Variants in RHOT1 observed in about 807,000 individuals in gnomAD.
The protein encoded by RHOT1 is ras homolog family member T1.
In RHOT1, 27 loss-of-function variants were observed where a neutral mutation model predicts 95.3. The ratio of observed to expected loss-of-function variants is 0.28; its 90% CI spans 0.21 to 0.39. RHOT1 has a LOEUF of 0.39. Among genes scored for constraint, RHOT1 ranks in the 10% least tolerant of loss-of-function variants. RHOT1 has a pLI of 1.00. For synonymous variants in RHOT1, 227 were observed against 263.5 expected (o/e 0.86, Z 1.34); for missense variants, 578 against 786.7 (o/e 0.73, Z 3.17).
At chr17:32,150,761 G>A in intron 1 of RHOT1, 9 of 1,592,594 alleles carry the variant, frequency 5.7e-6, no homozygotes, top group Non-Finnish European at 7.7e-6. Context: ...TGAGTATCTT[G>A]CATTTGGAAG....
rs966769864 is a variant in RHOT1 at position 32,151,413 on chromosome 17, C to T, written c.37+8684C>T. ...GATGACAGAGTGAAACTGGGACTAG[C>T]TGGATCCTGTGGTGGTATCACCTTC... On this transcript the variant is annotated intron_variant, in intron 1 of 19. Transcript: ENST00000545287. 26 of 653,526 alleles carry T rather than the reference C, an allele frequency of 4.0e-5. No homozygotes were observed. In the Admixed American group the frequency reaches 5.4e-4, roughly 13 times the overall value. 40.5% of individuals were successfully genotyped at this position (653,526 alleles called of 1,614,324 possible).
intron 16 of RHOT1, among the ~76,000 whole-genome samples, chr17:32,205,002 A>G (rs1470359122): frequency 6.6e-6 from 1 of 151,652 alleles, no homozygotes; most frequent in African/African-American, 2.4e-5. Context: ...AAAAAGTCGA[A>G]AAAACTGAAC....
chr17:32,165,101 G>A (rs1031026817), intron 1 of RHOT1, among the ~76,000 whole-genome samples: 3 of 152,164 alleles, frequency 2.0e-5, no homozygotes, highest in Admixed American at 6.5e-5. Context: ...AGCACTTTGG[G>A]AGGCCAAGGC....
At chr17:32,150,538 G>A (rs1485004529) in intron 1 of RHOT1, 14 of 1,514,714 alleles carry the variant, frequency 9.2e-6, no homozygotes, top group African/African-American at 2.8e-5. Flanking sequence ...GGTTTGTGTG[G>A]GAGATAGGCC....
At chr17:32,162,677 T>A (rs1567663978) in intron 1 of RHOT1, among the ~76,000 whole-genome samples, 1 of 152,184 alleles carries the variant, frequency 6.6e-6, no homozygotes, top group Non-Finnish European at 1.5e-5. Flanking sequence ...CTTTTCCCAT[T>A]CATGTAAAAT....
At chr17:32,191,472 AC>A (rs1452285181) in intron 8 of RHOT1, among the ~76,000 whole-genome samples, 4 of 152,222 alleles carry the variant, frequency 2.6e-5, no homozygotes, top group African/African-American at 7.2e-5. Flanking sequence ...GATAGTGATT[AC>A]CCTATAGTGG....
chr17:32,200,946 T>C lies in RHOT1; in HGVS notation c.1101-10T>C, dbSNP rs1341083024. 1 of 1,596,030 alleles carries C rather than the reference T, an allele frequency of 6.3e-7. No individual in the cohort carries two copies. The highest frequency in any genetic ancestry group is 1.7e-5 in the Admixed American group (1 of 59,346). ...GAACTTTTCACATTTTAAACTCTTT[T>C]CTTTCATAGGCTCACGACTTATTTA... On this transcript the variant is annotated splice_polypyrimidine_tract_variant and intron_variant, in intron 13 of 19. Transcript: ENST00000545287.
Position 32,185,694 on chromosome 17 carries a change from C to T in RHOT1, c.540+2422C>T, listed in dbSNP as rs191177816. Among the ~76,000 whole-genome samples the T allele has an allele frequency of 9.8e-3, 1,479 of 151,422 alleles. 30 individuals carry two copies. The highest frequency in any genetic ancestry group is 0.034 in the African/African-American group (1,396 of 41,214). On this transcript the variant is annotated intron_variant, in intron 8 of 19. Transcript: ENST00000545287. ...AAGTGTTGGGATTACAGGTGTGAAC[C>T]GCCATGCCCGGCCTCTTTTTTTTTT... is the stretch of plus-strand genomic sequence containing the variant.
chr17:32,197,053 G>C (rs1033602563), intron 11 of RHOT1, among the ~76,000 whole-genome samples: 14 of 151,654 alleles, frequency 9.2e-5, no homozygotes, highest in African/African-American at 3.4e-4. Flanking sequence ...AACCTGGAAG[G>C]TGGAGGTTGC....
intron 1 of RHOT1, chr17:32,159,768 C>G (rs2142433343): frequency 1.3e-5 from 2 of 152,674 alleles, no homozygotes; most frequent in Admixed American, 1.3e-4. Flanking sequence ...CTGAGGGCAG[C>G]TTGGTGTAGG....
At chr17:32,146,613 T>C (rs1355325549) in intron 1 of RHOT1, among the ~76,000 whole-genome samples, 2 of 121,924 alleles carry the variant, frequency 1.6e-5, no homozygotes, top group Non-Finnish European at 3.2e-5. Context: ...GCCCGGCTAA[T>C]TTTTTTTTTT....
At chr17:32,220,555 CTGGGCACAG>C (rs2038765835) in intron 19 of RHOT1, among the ~76,000 whole-genome samples, 1 of 151,774 alleles carries the variant, frequency 6.6e-6, no homozygotes, top group African/African-American at 2.4e-5. Flanking sequence ...CTAAAAGGGG[CTGGGCACAG>C]TGGCTCACTC....
intron 1 of RHOT1, among the ~76,000 whole-genome samples, chr17:32,162,162 C>G (rs2033624335): frequency 6.6e-6 from 1 of 152,142 alleles, no homozygotes; most frequent in Non-Finnish European, 1.5e-5. Context: ...ACCCTCTAAT[C>G]ATGTAGTTGG....
intron 1 of RHOT1, chr17:32,150,529 G>A (rs1253073465): frequency 1.3e-6 from 2 of 1,484,920 alleles, no homozygotes; most frequent in Non-Finnish European, 1.9e-6. Flanking sequence ...ACTGGGCCAG[G>A]TTTGTGTGGG....
chr17:32,171,473 T>G (rs2034573418), intron 2 of RHOT1, among the ~76,000 whole-genome samples: 1 of 152,238 alleles, frequency 6.6e-6, no homozygotes, highest in Admixed American at 6.5e-5. Flanking sequence ...TGTGTCTAAG[T>G]TCATCTAAGT....
At chr17:32,155,450 G>A (rs2032858859) in intron 1 of RHOT1, among the ~76,000 whole-genome samples, 1 of 151,472 alleles carries the variant, frequency 6.6e-6, no homozygotes, top group South Asian at 2.1e-4. Flanking sequence ...TTGAGCCACT[G>A]CGCCCAGCCT....
In RHOT1 at chr17:32,175,946, T is replaced by G; in HGVS notation, c.223-16T>G. ...ATTATTTTTAGATACGATTAATTTG[T>G]TAATTTTTCTTCTAGGCTAATGTCA... On this transcript the variant is annotated splice_polypyrimidine_tract_variant and intron_variant, in intron 4 of 19. Coordinates refer to ENST00000545287, the MANE Select transcript of RHOT1 (RefSeq NM_001033566.3). 1 of 1,509,956 alleles carries G rather than the reference T, an allele frequency of 6.6e-7. No homozygotes were observed. Among genetic ancestry groups the G allele is most frequent in the Non-Finnish European group, 8.9e-7 (1 of 1,122,916 alleles). The allele number at this position is 1,509,956 out of a possible 1,614,324, so 93.5% of individuals were successfully genotyped here.
chr17:32,186,853 G>A (rs563873166), intron 8 of RHOT1, among the ~76,000 whole-genome samples: 1 of 152,182 alleles, frequency 6.6e-6, no homozygotes, highest in South Asian at 2.1e-4. Flanking sequence ...GTAAAGAGGG[G>A]GTCTCGCTGA....
intron 11 of RHOT1, among the ~76,000 whole-genome samples, chr17:32,194,481 A>G (rs1309647958): frequency 6.6e-6 from 1 of 152,192 alleles, no homozygotes; most frequent in Non-Finnish European, 1.5e-5. Context: ...CCACATCCGT[A>G]GATGTCAGTG....
Sources: gnomAD v4.1 joint callset for allele counts (sites outside exome capture counted in the v4.1 genomes callset) on GRCh38, gnomAD v4.1.1 for gene constraint, MANE v1.5 for transcripts, NCBI Gene and HGNC (gene_info 2026-07-23, HGNC 2026-07-21) for gene names.